Variants in ROR2 observed in about 807,000 individuals in gnomAD.
The protein encoded by ROR2 is tyrosine-protein kinase transmembrane receptor ROR2.
In ROR2, 33 loss-of-function variants were observed where a neutral mutation model predicts 74.9. That is an observed-to-expected ratio of 0.44 (90% CI 0.33 to 0.59). The LOEUF is 0.59. ROR2 is among the 20% of genes least tolerant of loss of function. ROR2 has a pLI of 0.02. For synonymous variants in ROR2, 586 were observed against 558.7 expected (o/e 1.05, Z -0.69); for missense variants, 1,216 against 1,313.8 (o/e 0.93, Z 1.15).
intron 7 of ROR2, among the ~76,000 whole-genome samples, chr9:91,730,254 T>C (rs1264383032): frequency 2.6e-5 from 4 of 152,060 alleles, no homozygotes; most frequent in African/African-American, 7.2e-5. Context: ...ATAATGTTAA[T>C]GGAGAAACAA....
chr9:91,724,061 C>T lies in ROR2; in HGVS notation c.2433G>A (p.Met811Ile). The stretch of plus-strand genomic sequence containing the variant: ...GGACGTAGAGCTGCGGCGGGGGCAC[C>T]ATGGGTCTGATCTGGCCCTTCATGG... ...FIPMKGQIRP[M>I]VPPPQLYVPV... is the part of the protein sequence containing the mutation. Residue 811 changes from methionine to isoleucine, a missense_variant, in exon 9 of 9, where the codon ATG becomes ATA. Met to Ile is a conservative substitution (Grantham distance 10). Transcript: ENST00000375708. The T allele has an allele frequency of 6.2e-7, 1 of 1,610,900 alleles. No individual in the cohort carries two copies.
chr9:91,862,511 A>C (rs1178524940), intron 1 of ROR2, among the ~76,000 whole-genome samples: 6 of 152,034 alleles, frequency 3.9e-5, no homozygotes, highest in Non-Finnish European at 8.8e-5. Context: ...CACATGTAAA[A>C]ATTAGCTTGG....
chr9:91,868,688 C>CA (rs1225555589), intron 1 of ROR2, among the ~76,000 whole-genome samples: 1 of 152,226 alleles, frequency 6.6e-6, no homozygotes, highest in African/African-American at 2.4e-5. Context: ...CTCAAAGACA[C>CA]AGACAATCAA....
At chr9:91,915,380 A>G (rs78717190) in intron 1 of ROR2, among the ~76,000 whole-genome samples, 13,488 of 152,160 alleles carry the variant, frequency 0.089, 1,041 homozygotes, top group African/African-American at 0.21. Context: ...CGGTAGGTTC[A>G]CAGTCTCCCT....
intron 1 of ROR2, among the ~76,000 whole-genome samples, chr9:91,798,316 GC>G: frequency 7.0e-6 from 1 of 142,264 alleles, no homozygotes. Flanking sequence ...ATCTGTGGGT[GC>G]GGCTGACGCC....
chr9:91,912,172 C>T (rs932306909), intron 1 of ROR2, among the ~76,000 whole-genome samples: 5 of 152,130 alleles, frequency 3.3e-5, no homozygotes. Context: ...TCTGTGGCTT[C>T]CTTAATAGTA....
At chr9:91,898,646 T>C (rs1032308809) in intron 1 of ROR2, among the ~76,000 whole-genome samples, 3 of 152,134 alleles carry the variant, frequency 2.0e-5, no homozygotes, top group African/African-American at 7.2e-5. Context: ...GAGGAAATGC[T>C]AGCAAGGAGG....
chr9:91,944,171 A>G (rs1336674478), intron 1 of ROR2, among the ~76,000 whole-genome samples: 1 of 152,212 alleles, frequency 6.6e-6, no homozygotes, highest in African/African-American at 2.4e-5. Context: ...CTCCTAGGCT[A>G]CAACAAACCT....
intron 1 of ROR2, among the ~76,000 whole-genome samples, chr9:91,786,593 C>T (rs1826811479): frequency 6.6e-6 from 1 of 152,150 alleles, no homozygotes; most frequent in Non-Finnish European, 1.5e-5. Context: ...GTAGCCAAGG[C>T]CACCAACCTC....
rs1193619633 is a variant in ROR2, at chr9:91,779,388, G to A, written c.98-3570C>T. Among the ~76,000 whole-genome samples the A allele has an allele frequency of 5.3e-5, 6 of 112,710 alleles. No individual in the cohort carries two copies. The East Asian group carries it at 7.5e-4, about 14-fold the overall frequency. 73.9% of individuals were successfully genotyped at this position (112,710 alleles called of 152,430 possible). ...CTTTTCTTTTTTTTTTTTTTTTTTC[G>A]AGACAGAGTTTCGCTCTTGTTGCCC... is the stretch of plus-strand genomic sequence containing the variant. On this transcript the variant is annotated intron_variant, in intron 1 of 8. Transcript: ENST00000375708.
intron 1 of ROR2, among the ~76,000 whole-genome samples, chr9:91,831,143 C>A (rs967390432): frequency 2.6e-5 from 4 of 151,884 alleles, no homozygotes; most frequent in African/African-American, 4.8e-5. Flanking sequence ...TGCCTGTAAT[C>A]CCACCTACTC....
At chr9:91,829,567 A>AAAAAAAAAAAAAAAAAAAAAAAAC (rs1828397648) in intron 1 of ROR2, among the ~76,000 whole-genome samples, 1 of 150,908 alleles carries the variant, frequency 6.6e-6, no homozygotes, top group African/African-American at 2.4e-5. Context: ...AAAAAAAAAA[A>AAAAAAAAAAAAAAAAAAAAAAAAC]AAAAAAGCAC....
At position 91,838,141 on chromosome 9, in the gene ROR2, A is replaced by C. The variant is rs144703913; in HGVS notation, c.98-62323T>G. Among the ~76,000 whole-genome samples, 339 of 152,320 alleles carry C rather than the reference A, an allele frequency of 2.2e-3. 1 individual carries two copies. Among genetic ancestry groups the C allele is most frequent in the African/African-American group, 7.8e-3 (324 of 41,576 alleles). On this transcript the variant is annotated intron_variant, in intron 1 of 8. Transcript: ENST00000375708. ...GTGTTCCTTAACCTGGGCATACCTT[A>C]TGTGTGTAATTCTCCCTCTGGATCC...
At chr9:91,876,456 C>T (rs991504282) in intron 1 of ROR2, among the ~76,000 whole-genome samples, 2 of 152,122 alleles carry the variant, frequency 1.3e-5, no homozygotes, top group African/African-American at 4.8e-5. Flanking sequence ...ATAGCCAGTC[C>T]CCGACACCAA....
intron 1 of ROR2, among the ~76,000 whole-genome samples, chr9:91,911,226 G>C (rs76981590): frequency 0.032 from 4,849 of 152,280 alleles, 119 homozygotes; most frequent in South Asian, 0.062. Flanking sequence ...ATAGTCATGT[G>C]TCCCCTAAGG....
chr9:91,893,801 C>G (rs1294200002), intron 1 of ROR2, among the ~76,000 whole-genome samples: 1 of 152,168 alleles, frequency 6.6e-6, no homozygotes, highest in Non-Finnish European at 1.5e-5. Context: ...CCCTGCCACA[C>G]TCTCCTGCCA....
At chr9:91,943,855 AT>A (rs1389955474) in intron 1 of ROR2, among the ~76,000 whole-genome samples, 1 of 152,230 alleles carries the variant, frequency 6.6e-6, no homozygotes, top group Non-Finnish European at 1.5e-5. Context: ...AAAGTCAAAA[AT>A]ATACCAAAAA....
chr9:91,949,974 G>A lies in ROR2; in HGVS notation c.-11C>T. The A allele has an allele frequency of 7.0e-7, 1 of 1,435,176 alleles. No homozygotes were observed. The highest frequency in any genetic ancestry group is 9.1e-7 in the Non-Finnish European group (1 of 1,099,838). The allele number at this position is 1,435,176 out of a possible 1,614,324, so 88.9% of individuals were successfully genotyped here. A position where few individuals can be genotyped will look rare whatever the true frequency, so the allele number is the denominator to read the frequency against. On this transcript the variant is annotated 5_prime_UTR_variant, in exon 1 of 9. Transcript: ENST00000375708. ...CGAGCCCCGGGCCATGCCGCAGGCA[G>A]TGGGGGCCGGGAAGCCCTCAGAGCT...
At chr9:91,855,264 T>C (rs1829242930) in intron 1 of ROR2, among the ~76,000 whole-genome samples, 1 of 152,084 alleles carries the variant, frequency 6.6e-6, no homozygotes, top group South Asian at 2.1e-4. Context: ...CCATCCTCAC[T>C]CCTAGCAAGA....
Sources: gnomAD v4.1 joint callset for allele counts (sites outside exome capture counted in the v4.1 genomes callset) on GRCh38, gnomAD v4.1.1 for gene constraint, MANE v1.5 for transcripts, NCBI Gene and HGNC (gene_info 2026-07-23, HGNC 2026-07-21) for gene names.